MYO1H: variants seen among roughly 807,000 people sequenced by gnomAD.
The protein encoded by MYO1H is myosin IH.
A neutral mutation model predicts 149.3 loss-of-function variants in MYO1H; 118 were observed. The ratio of observed to expected loss-of-function variants is 0.79; its 90% CI spans 0.68 to 0.92. The LOEUF is 0.92. Among genes scored for constraint, MYO1H ranks in the 40% least tolerant of loss-of-function variants. The pLI is 0.00. For missense variants in MYO1H, 1,212 were observed against 1,280.7 expected (o/e 0.95, Z 0.82); for synonymous variants, 447 against 465.2 (o/e 0.96, Z 0.50).
chr12:109,382,834 TTA>T (rs962370035), intron 1 of MYO1H, among the ~76,000 whole-genome samples: 6 of 149,100 alleles, frequency 4.0e-5, no homozygotes, highest in East Asian at 1.9e-4. Flanking sequence ...CAAAATATCT[TTA>T]TATATATATA....
intron 5 of MYO1H, among the ~76,000 whole-genome samples, chr12:109,398,741 CAAAA>C (rs35031072): frequency 1.7e-4 from 9 of 51,990 alleles, no homozygotes; most frequent in Admixed American, 5.3e-4. Context: ...AACTTCCTCT[CAAAA>C]AAAAAAAAAA....
chr12:109,405,984 C>G, exon 8 of MYO1H: 1 of 1,613,826 alleles, frequency 6.2e-7, no homozygotes, highest in Non-Finnish European at 8.5e-7. Context: ...AAGAAGACGA[C>G]CAAGGCTGTG....
intron 9 of MYO1H, 52 bp downstream of exon 9, chr12:109,406,912 T>C (rs1182763042): frequency 2.0e-6 from 3 of 1,521,300 alleles, no homozygotes; most frequent in Non-Finnish European, 2.7e-6. Flanking sequence ...TGCTGCTGCC[T>C]CCCTCGATAA....
intron 1 of MYO1H, among the ~76,000 whole-genome samples, chr12:109,358,205 T>C (rs1332554871): frequency 6.6e-6 from 1 of 151,882 alleles, no homozygotes; most frequent in East Asian, 1.9e-4. Context: ...AATGTGCAAA[T>C]ATCAGGATTG....
At chr12:109,350,879 T>TA (rs1471974370) in intron 1 of MYO1H, among the ~76,000 whole-genome samples, 6 of 152,218 alleles carry the variant, frequency 3.9e-5, no homozygotes, top group African/African-American at 1.2e-4. Context: ...CCTCAATCGT[T>TA]ACATCTTACA....
chr12:109,445,039 G>A (rs1374682732), intron 30 of MYO1H, among the ~76,000 whole-genome samples: 3 of 152,142 alleles, frequency 2.0e-5, no homozygotes, highest in African/African-American at 7.2e-5. Context: ...TTCATCCCTG[G>A]GATCTTGGCC....
At chr12:109,415,489 A>C (rs1237349195) in intron 14 of MYO1H, 37 bp from the exon 15 acceptor site, 2 of 1,552,818 alleles carry the variant, frequency 1.3e-6, no homozygotes, top group Non-Finnish European at 1.7e-6. Context: ...AAAGAAAAGA[A>C]AAGAAAGTTC....
chr12:109,427,948 T>G (rs187072155), intron 19 of MYO1H, among the ~76,000 whole-genome samples: 2 of 100,168 alleles, frequency 2.0e-5, no homozygotes, highest in Non-Finnish European at 3.9e-5. Context: ...TAGATGGGTG[T>G]GGTGGTACAC....
At chr12:109,368,162 G>T (rs751450903) in intron 1 of MYO1H, among the ~76,000 whole-genome samples, 13 of 152,150 alleles carry the variant, frequency 8.5e-5, no homozygotes, top group Non-Finnish European at 1.6e-4. Context: ...ATTACAAGAT[G>T]GTTTGTGACA....
chr12:109,356,953 C>G (rs1044593204), intron 1 of MYO1H, among the ~76,000 whole-genome samples: 68 of 152,250 alleles, frequency 4.5e-4, no homozygotes, highest in Middle Eastern at 3.4e-3. Flanking sequence ...AGCTAAGACC[C>G]CTTGAATCAA....
chr12:109,417,821 TTTTG>T (rs1219861855), intron 15 of MYO1H, among the ~76,000 whole-genome samples: 1 of 133,154 alleles, frequency 7.5e-6, no homozygotes, highest in Non-Finnish European at 1.5e-5. Flanking sequence ...TTTTGTTTTG[TTTTG>T]TTTTTTTTGA....
intron 19 of MYO1H, among the ~76,000 whole-genome samples, chr12:109,428,200 T>C (rs1339907333): frequency 1.3e-5 from 2 of 151,742 alleles, no homozygotes; most frequent in Non-Finnish European, 2.9e-5. Flanking sequence ...AGTGCGTAGA[T>C]CTGCCACCAG....
chr12:109,398,391 G>C (rs1448775976), intron 5 of MYO1H, among the ~76,000 whole-genome samples: 1 of 152,152 alleles, frequency 6.6e-6, no homozygotes, highest in African/African-American at 2.4e-5. Flanking sequence ...ACCTCATGTG[G>C]ATGGGTCTTG....
chr12:109,379,382 A>G (rs375501589), intron 1 of MYO1H, among the ~76,000 whole-genome samples: 29 of 152,338 alleles, frequency 1.9e-4, no homozygotes, highest in African/African-American at 5.3e-4. Context: ...GTTGGGTGCA[A>G]CGGTCTACAT....
At chr12:109,396,490 A>G (rs759202004) in exon 4 of MYO1H, 1 of 1,613,976 alleles carries the variant, frequency 6.2e-7, no homozygotes, top group Non-Finnish European at 8.5e-7. Flanking sequence ...GGCCTCCAAG[A>G]AAATTCTCGA....
chr12:109,446,742 C>T (rs1021870430), intron 31 of MYO1H, among the ~76,000 whole-genome samples: 6 of 152,092 alleles, frequency 3.9e-5, no homozygotes, highest in East Asian at 1.9e-4. Context: ...CCAGCCTGGG[C>T]GATAGAGTGA....
intron 21 of MYO1H, among the ~76,000 whole-genome samples, chr12:109,435,955 G>A (rs1384001994): frequency 1.3e-5 from 2 of 152,334 alleles, no homozygotes; most frequent in Non-Finnish European, 2.9e-5. Context: ...GTGGGGAATA[G>A]GATGTGGCTG....
At chr12:109,432,394 A>C (rs1871668065) in intron 19 of MYO1H, among the ~76,000 whole-genome samples, 1 of 152,096 alleles carries the variant, frequency 6.6e-6, no homozygotes, top group Non-Finnish European at 1.5e-5. Flanking sequence ...AATTGCTGGG[A>C]TCACAGGCAT....
intron 22 of MYO1H, 54 bp downstream of exon 22, chr12:109,436,610 C>A: frequency 8.0e-7 from 1 of 1,253,146 alleles, no homozygotes; most frequent in Non-Finnish European, 1.1e-6. Context: ...CTGCTTGGCA[C>A]CTGGGGGCAC....
Sources: allele counts gnomAD v4.1 joint callset (sites outside exome capture counted in the v4.1 genomes callset), GRCh38; gene constraint gnomAD v4.1.1; transcripts MANE v1.5; gene names NCBI Gene and HGNC (gene_info 2026-07-23, HGNC 2026-07-21).